GCG: variants seen among roughly 807,000 people sequenced by gnomAD.
GCG encodes pro-glucagon.
In GCG, 11 loss-of-function variants were observed where a neutral mutation model predicts 22.8. The observed-to-expected ratio is 0.48, with a 90% CI of 0.30 to 0.80. The LOEUF is 0.80. Ranked by LOEUF, GCG falls within the 30% of genes least tolerant of loss-of-function variation. The pLI, the probability that GCG is intolerant of heterozygous loss-of-function variation, is 0.06. For missense variants in GCG, 222 were observed against 222.0 expected (o/e 1.00, Z 0.00); for synonymous variants, 89 against 72.4 (o/e 1.23, Z -1.16).
chr2:162,143,820 T>C, intron 5 of GCG: 1 of 578,178 alleles, frequency 1.7e-6, no homozygotes, highest in South Asian at 2.1e-5. Context: ...TAAATGTTTC[T>C]GGAATAAATG....
rs1686720552 is a variant in GCG at position 162,147,525 on chromosome 2, C to G, written c.93-11G>C. On this transcript the variant is annotated splice_polypyrimidine_tract_variant and intron_variant, in intron 2 of 5. Transcript: ENST00000418842. The stretch of plus-strand genomic sequence containing the variant: ...GAAGCTGAGAATGATCTGTGAAGAA[C>G]AGTGATTGGTACAACATAAATCTCT... 2 of 1,611,918 alleles carry G rather than the reference C, an allele frequency of 1.2e-6. No homozygotes were observed. Among genetic ancestry groups the G allele is most frequent in the Non-Finnish European group, 8.5e-7 (1 of 1,178,396 alleles).
At chr2:162,143,641 C>G (rs1241431003) in intron 5 of GCG, among the ~76,000 whole-genome samples, 2 of 152,102 alleles carry the variant, frequency 1.3e-5, no homozygotes, top group South Asian at 4.1e-4. Flanking sequence ...CCAGTTCTCA[C>G]TACTCTTCTT....
At chr2:162,148,886 C>A (rs1056414864) in intron 2 of GCG, among the ~76,000 whole-genome samples, 2 of 152,190 alleles carry the variant, frequency 1.3e-5, no homozygotes, top group East Asian at 3.9e-4. Flanking sequence ...TTCAACATTT[C>A]TCTCCCCTTT....
chr2:162,144,928 T>C (rs1424264178), intron 4 of GCG: 5 of 152,116 alleles, frequency 3.3e-5, no homozygotes, highest in African/African-American at 1.2e-4. Flanking sequence ...CTTAGATTAT[T>C]TAGTAGATAT....
At chr2:162,146,102 T>C (rs1265642662) in intron 3 of GCG, among the ~76,000 whole-genome samples, 1 of 152,140 alleles carries the variant, frequency 6.6e-6, no homozygotes, top group African/African-American at 2.4e-5. Context: ...CCATCTTGAA[T>C]TGTTACCAAA....
chr2:162,144,983 T>C (rs1219441277), intron 4 of GCG: 2 of 152,142 alleles, frequency 1.3e-5, no homozygotes, highest in Non-Finnish European at 2.9e-5. Context: ...GTTAAATATA[T>C]GGATGTTTTT....
At chr2:162,150,462 TAAG>T (rs986158550) in intron 1 of GCG, among the ~76,000 whole-genome samples, 3 of 152,118 alleles carry the variant, frequency 2.0e-5, no homozygotes, top group African/African-American at 7.2e-5. Context: ...TTTGAAATAT[TAAG>T]TTTTTTGTAC....
At chr2:162,144,953 C>T (rs988749734) in intron 4 of GCG, 1 of 151,986 alleles carries the variant, frequency 6.6e-6, no homozygotes, top group Non-Finnish European at 1.5e-5. Context: ...ATGACAGCCC[C>T]ATACAAAATT....
intron 1 of GCG, among the ~76,000 whole-genome samples, chr2:162,151,829 T>C (rs533584489): frequency 6.6e-6 from 1 of 152,234 alleles, no homozygotes; most frequent in East Asian, 1.9e-4. Flanking sequence ...CCAAGAAAAA[T>C]ATTTATTCTT....
At chr2:162,150,444 CT>C (rs1249033786) in intron 1 of GCG, among the ~76,000 whole-genome samples, 2 of 152,000 alleles carry the variant, frequency 1.3e-5, no homozygotes, top group Non-Finnish European at 2.9e-5. Context: ...GCAGCAGTAA[CT>C]TTTTTCTTTG....
Position 162,149,076 on chromosome 2 carries a change from G to T in GCG, c.92+11C>A, listed in dbSNP as rs771651137. 1.3e-6 allele frequency: 2 copies of T among 1,547,908 alleles called. No homozygotes were observed. Among genetic ancestry groups the T allele is most frequent in the South Asian group, 2.2e-5 (2 of 89,458 alleles). On this transcript the variant is annotated intron_variant, in intron 2 of 5. Coordinates refer to ENST00000418842, the MANE Select transcript of GCG (RefSeq NM_002054.5). ...TATTGATATGTTAGTTCGAGACTAC[G>T]GATTTAATACCTGGATTTCTCCTCT...
chr2:162,147,978 C>G (rs1686735764), intron 2 of GCG, among the ~76,000 whole-genome samples: 1 of 152,012 alleles, frequency 6.6e-6, no homozygotes, highest in Non-Finnish European at 1.5e-5. Flanking sequence ...AGGAAGACAA[C>G]TAGAAGTTCA....
chr2:162,150,091 T>G (rs750863826), intron 1 of GCG, among the ~76,000 whole-genome samples: 6 of 152,180 alleles, frequency 3.9e-5, no homozygotes, highest in South Asian at 4.1e-4. Flanking sequence ...GTTAAGGATG[T>G]GATGATGCAG....
intron 2 of GCG, 53 bp downstream of exon 2, chr2:162,149,034 A>G: frequency 9.6e-7 from 1 of 1,044,668 alleles, no homozygotes; most frequent in Non-Finnish European, 1.5e-6. Context: ...TAGTTTTCAC[A>G]GGCTTTATTC....
chr2:162,151,187 A>C (rs1222766095), intron 1 of GCG, among the ~76,000 whole-genome samples: 2 of 152,104 alleles, frequency 1.3e-5, no homozygotes, highest in African/African-American at 4.8e-5. Context: ...ATTTCCACTA[A>C]AATTTAAAGG....
At position 162,144,057 on chromosome 2, in the gene GCG, T is replaced by C; in HGVS notation, c.506A>G (p.Asn169Ser). The change falls in exon 5 of 6, where the codon AAC (asparagine) becomes AGC (serine). Residue 169 changes from asparagine to serine, a missense_variant. Physicochemically the swap from Asn to Ser is conservative, Grantham distance 46 (BLOSUM62 1). Transcript: ENST00000418842. ...LDNLAARDFI[N>S]WLIQTKITDR... is the part of the protein sequence containing the mutation. ...AGTGATTTTGGTCTGAATCAACCAG[T>C]TTATAAAGTCCCTGGCGGCAAGATT... 6.2e-7 allele frequency: 1 copy of C among 1,613,102 alleles called. No individual in the cohort carries two copies. Among genetic ancestry groups the C allele is most frequent in the Non-Finnish European group, 8.5e-7 (1 of 1,179,260 alleles).
intron 3 of GCG, among the ~76,000 whole-genome samples, chr2:162,147,056 T>C (rs986864491): frequency 1.3e-5 from 2 of 152,142 alleles, no homozygotes; most frequent in Admixed American, 6.5e-5. Flanking sequence ...TCCACAAAAG[T>C]AAACTTTCAC....
chr2:162,145,204 C>CTT (rs1686651236), intron 4 of GCG: 1 of 186,980 alleles, frequency 5.3e-6, no homozygotes, highest in African/African-American at 2.3e-5. Flanking sequence ...CTCTAGCTCC[C>CTT]CTAGAACAGT....
At position 162,143,625 on chromosome 2, in the gene GCG, C is replaced by T. The variant is rs957010651; in HGVS notation, c.537-255G>A. Among the ~76,000 whole-genome samples the T allele has an allele frequency of 5.9e-5, 9 of 152,114 alleles. No homozygotes were observed. The South Asian group carries it at 1.2e-3, about 21-fold the overall frequency. On this transcript the variant is annotated intron_variant, in intron 5 of 5. Transcript: ENST00000418842. ...AAAATTCATCAAGATAAGTATTTTT[C>T]GGTGTCCAGTTCTCACTACTCTTCT...
Sources: gnomAD v4.1 joint callset for allele counts (sites outside exome capture counted in the v4.1 genomes callset) on GRCh38, gnomAD v4.1.1 for gene constraint, MANE v1.5 for transcripts, NCBI Gene and HGNC (gene_info 2026-07-23, HGNC 2026-07-21) for gene names.